Variants in ENTREP2 observed in about 807,000 individuals in gnomAD.
ENTREP2 encodes endosomal transmembrane epsin interactor 2.
the ENTREP2 span, among the ~76,000 whole-genome samples, chr15:29,188,037 A>C: frequency 6.6e-6 from 1 of 152,140 alleles, no homozygotes; most frequent in Non-Finnish European, 1.5e-5. Flanking sequence ...TCATGCATAG[A>C]GAGAGGGGCG....
chr15:29,502,409 C>A, the ENTREP2 span, among the ~76,000 whole-genome samples: 1 of 151,502 alleles, frequency 6.6e-6, no homozygotes, highest in African/African-American at 2.4e-5. Flanking sequence ...GAAGTTGGAC[C>A]CCACCTTATA....
the ENTREP2 span, among the ~76,000 whole-genome samples, chr15:29,587,051 C>G: frequency 1.3e-5 from 2 of 151,758 alleles, no homozygotes; most frequent in African/African-American, 4.8e-5. Context: ...CATACCCAGG[C>G]TAGGTTACAT....
chr15:29,446,898 G>T, the ENTREP2 span, among the ~76,000 whole-genome samples: 1 of 152,142 alleles, frequency 6.6e-6, no homozygotes, highest in Admixed American at 6.5e-5. Context: ...ACCTCCTTCT[G>T]ATTCTCCTCT....
chr15:29,442,757 G>A, the ENTREP2 span, among the ~76,000 whole-genome samples: 18 of 152,146 alleles, frequency 1.2e-4, no homozygotes, highest in African/African-American at 4.3e-4. Flanking sequence ...TGGGGCTCTC[G>A]GGGCCTCTTA....
chr15:29,543,602 A>G, the ENTREP2 span, among the ~76,000 whole-genome samples: 1 of 152,172 alleles, frequency 6.6e-6, no homozygotes, highest in Non-Finnish European at 1.5e-5. Flanking sequence ...AACATGGCAA[A>G]ACCCTGTCTT....
the ENTREP2 span, among the ~76,000 whole-genome samples, chr15:29,462,428 G>A: frequency 3.2e-4 from 49 of 151,944 alleles, 1 homozygote; most frequent in African/African-American, 4.8e-5. Context: ...GGCTAACATG[G>A]TGAAACCCCG....
At chr15:29,646,438 G>A in the ENTREP2 span, among the ~76,000 whole-genome samples, 2 of 152,164 alleles carry the variant, frequency 1.3e-5, no homozygotes, top group African/African-American at 4.8e-5. Context: ...TTGTCAGCTA[G>A]GGGTGAAGAG....
chr15:29,591,112 T>A, the ENTREP2 span, among the ~76,000 whole-genome samples: 3 of 152,154 alleles, frequency 2.0e-5, no homozygotes, highest in African/African-American at 7.2e-5. Context: ...CTGAAATATT[T>A]AAAAAAACAC....
At chr15:29,557,661 G>T in the ENTREP2 span, among the ~76,000 whole-genome samples, 1 of 152,144 alleles carries the variant, frequency 6.6e-6, no homozygotes, top group Admixed American at 6.6e-5. Context: ...GCACTGTGTA[G>T]CACTCATCTG....
the ENTREP2 span, among the ~76,000 whole-genome samples, chr15:29,307,953 A>G: frequency 1.3e-5 from 2 of 152,224 alleles, no homozygotes; most frequent in Non-Finnish European, 2.9e-5. Flanking sequence ...ATACCTATTA[A>G]TGAGTTTTTA....
the ENTREP2 span, among the ~76,000 whole-genome samples, chr15:29,192,426 T>C: frequency 7.2e-5 from 11 of 152,304 alleles, no homozygotes; most frequent in East Asian, 9.6e-4. Context: ...GGAAAGAACA[T>C]TGCCCCACCA....
chr15:29,490,684 G>A, the ENTREP2 span, among the ~76,000 whole-genome samples: 1 of 152,184 alleles, frequency 6.6e-6, no homozygotes, highest in Non-Finnish European at 1.5e-5. Flanking sequence ...TAGACACAGA[G>A]CACTGATTGG....
At chr15:29,213,283 T>C in the ENTREP2 span, among the ~76,000 whole-genome samples, 2 of 152,152 alleles carry the variant, frequency 1.3e-5, no homozygotes, top group Non-Finnish European at 2.9e-5. Context: ...GGCTCTTTTT[T>C]GGTTCCATAT....
the ENTREP2 span, among the ~76,000 whole-genome samples, chr15:29,387,072 G>A: frequency 6.6e-6 from 1 of 152,120 alleles, no homozygotes; most frequent in Non-Finnish European, 1.5e-5. Context: ...TCCCTGTCTT[G>A]TGCCAGTTTT....
the ENTREP2 span, among the ~76,000 whole-genome samples, chr15:29,657,134 G>C: frequency 6.6e-6 from 1 of 151,950 alleles, no homozygotes; most frequent in African/African-American, 2.4e-5. Flanking sequence ...TGCAAGCTCC[G>C]CCTCCCCCGT....
At chr15:29,335,277 C>T in the ENTREP2 span, among the ~76,000 whole-genome samples, 4 of 152,290 alleles carry the variant, frequency 2.6e-5, no homozygotes, top group Non-Finnish European at 4.4e-5. Context: ...CCGGAGGCTA[C>T]GGTGTAATTG....
chr15:29,590,510 C>G, the ENTREP2 span, among the ~76,000 whole-genome samples: 1 of 151,664 alleles, frequency 6.6e-6, no homozygotes, highest in Non-Finnish European at 1.5e-5. Flanking sequence ...TGGAGAAACC[C>G]CGTCTCTACT....
the ENTREP2 span, among the ~76,000 whole-genome samples, chr15:29,605,140 C>T: frequency 6.6e-6 from 1 of 152,200 alleles, no homozygotes; most frequent in Non-Finnish European, 1.5e-5. Flanking sequence ...CCTGTGTATC[C>T]TCCCCAATGA....
At chr15:29,245,264 A>G in the ENTREP2 span, among the ~76,000 whole-genome samples, 2 of 152,236 alleles carry the variant, frequency 1.3e-5, no homozygotes, top group African/African-American at 2.4e-5. Context: ...TGGAAAGTTC[A>G]TATGTATATT....
Sources: gnomAD v4.1 joint callset for allele counts (sites outside exome capture counted in the v4.1 genomes callset) on GRCh38, gnomAD v4.1.1 for gene constraint, MANE v1.5 for transcripts, NCBI Gene and HGNC (gene_info 2026-07-23, HGNC 2026-07-21) for gene names.